The following POLR3B variants were observed in gnomAD, a reference collection of about 807,000 sequenced individuals.
The protein encoded by POLR3B is RNA polymerase III subunit B.
A neutral mutation model predicts 147.4 loss-of-function variants in POLR3B; 96 were observed. That is an observed-to-expected ratio of 0.65 (90% CI 0.55 to 0.77). The LOEUF (loss-of-function observed/expected upper bound fraction) is 0.77. Ranked by LOEUF, POLR3B falls within the 30% of genes least tolerant of loss-of-function variation. The probability of loss-of-function intolerance (pLI) is 0.00; values close to 1 mark genes in which losing one functional copy is unlikely to be tolerated. For missense variants in POLR3B, 1,036 were observed against 1,413.5 expected (o/e 0.73, Z 4.28); for synonymous variants, 461 against 485.9 (o/e 0.95, Z 0.67).
intron 16 of POLR3B, among the ~76,000 whole-genome samples, chr12:106,436,660 G>A (rs780018516): frequency 2.0e-5 from 3 of 152,082 alleles, no homozygotes; most frequent in Non-Finnish European, 2.9e-5. Flanking sequence ...ATGTGAAATC[G>A]GGAAGTTTTT....
rs1379154902 is a variant in POLR3B, at chr12:106,405,706, T to C, written c.847-151T>C. The C allele has an allele frequency of 4.1e-6, 3 of 737,724 alleles. No individual in the cohort carries two copies. The East Asian group carries it at 7.5e-5, about 18-fold the overall frequency. The allele number at this position is 737,724 out of a possible 1,614,324, so 45.7% of individuals were successfully genotyped here. ...TGCTATGCTTTTTGTCATTGATTTA[T>C]GATAAACGTTGATTTTCAACTAGAC... On this transcript the variant is annotated intron_variant, in intron 10 of 27. Transcript: ENST00000228347.
chr12:106,424,010 C>G (rs1486929303), intron 12 of POLR3B, among the ~76,000 whole-genome samples: 2 of 152,102 alleles, frequency 1.3e-5, no homozygotes, highest in African/African-American at 4.8e-5. Context: ...GCACCCGCCA[C>G]CATGCCTGGC....
chr12:106,426,834 C>T (rs2037443742), intron 12 of POLR3B, among the ~76,000 whole-genome samples: 2 of 75,866 alleles, frequency 2.6e-5, no homozygotes, highest in Admixed American at 1.7e-4. Flanking sequence ...AATTCTTCTC[C>T]ACCGTCCCCC....
At chr12:106,477,824 C>T (rs11113007) in intron 23 of POLR3B, among the ~76,000 whole-genome samples, 1 of 147,764 alleles carries the variant, frequency 6.8e-6, no homozygotes, top group Non-Finnish European at 1.5e-5. Context: ...CACCCGTCTT[C>T]TGCGTCGCTC....
intron 16 of POLR3B, among the ~76,000 whole-genome samples, chr12:106,435,736 T>C (rs1281343402): frequency 6.6e-6 from 1 of 152,164 alleles, no homozygotes; most frequent in African/African-American, 2.4e-5. Context: ...TAGGTGCTTA[T>C]TTATAACTTA....
intron 23 of POLR3B, among the ~76,000 whole-genome samples, chr12:106,488,965 A>G (rs922916524): frequency 1.3e-5 from 2 of 152,180 alleles, no homozygotes; most frequent in Non-Finnish European, 1.5e-5. Context: ...TTTTGCTGCC[A>G]TTCACAATGA....
At chr12:106,440,466 A>G (rs753951626) in intron 18 of POLR3B, among the ~76,000 whole-genome samples, 1 of 152,056 alleles carries the variant, frequency 6.6e-6, no homozygotes, top group Non-Finnish European at 1.5e-5. Context: ...TTCCTGCACA[A>G]TCTGCCCACT....
At chr12:106,393,804 A>ACACACACC (rs1207766499) in intron 10 of POLR3B, among the ~76,000 whole-genome samples, 1 of 133,916 alleles carries the variant, frequency 7.5e-6, no homozygotes, top group African/African-American at 2.8e-5. Flanking sequence ...ACACACACAC[A>ACACACACC]CCCCATAGTA....
intron 23 of POLR3B, among the ~76,000 whole-genome samples, chr12:106,464,195 C>G (rs1301787492): frequency 2.0e-5 from 3 of 152,206 alleles, no homozygotes; most frequent in Non-Finnish European, 4.4e-5. Flanking sequence ...GCAAGCCTCA[C>G]TCATTCCTTT....
intron 12 of POLR3B, among the ~76,000 whole-genome samples, chr12:106,425,559 T>C (rs964847064): frequency 5.9e-5 from 9 of 152,134 alleles, no homozygotes; most frequent in African/African-American, 1.7e-4. Flanking sequence ...TTGCTTCCTA[T>C]GCAAGAAAGC....
chr12:106,482,503 AAG>A (rs139120963), intron 23 of POLR3B, among the ~76,000 whole-genome samples: 4,661 of 152,164 alleles, frequency 0.031, 139 homozygotes, highest in African/African-American at 0.074. Flanking sequence ...GAGCAGGAGG[AAG>A]AGAGAGAAGG....
At chr12:106,429,146 T>C (rs999613824) in intron 13 of POLR3B, among the ~76,000 whole-genome samples, 1 of 152,192 alleles carries the variant, frequency 6.6e-6, no homozygotes, top group African/African-American at 2.4e-5. Context: ...GAGCAAATCT[T>C]ATTGTCTGCT....
At chr12:106,483,560 A>C (rs547864672) in intron 23 of POLR3B, among the ~76,000 whole-genome samples, 4 of 152,332 alleles carry the variant, frequency 2.6e-5, no homozygotes, top group East Asian at 3.9e-4. Context: ...ATAGATAGGA[A>C]TAGAATCTTA....
chr12:106,393,186 A>G, intron 10 of POLR3B, 33 bp downstream of exon 10: 1 of 1,613,326 alleles, frequency 6.2e-7, no homozygotes, highest in Non-Finnish European at 8.5e-7. Flanking sequence ...TTGCTATGAA[A>G]TGGAATTGGA....
intron 12 of POLR3B, among the ~76,000 whole-genome samples, chr12:106,416,375 A>G (rs968512683): frequency 4.6e-5 from 7 of 152,182 alleles, no homozygotes; most frequent in Non-Finnish European, 8.8e-5. Flanking sequence ...TCAGTTTAAG[A>G]ATGAACACAG....
intron 23 of POLR3B, among the ~76,000 whole-genome samples, chr12:106,465,145 G>A (rs1053224320): frequency 2.0e-5 from 3 of 152,076 alleles, no homozygotes; most frequent in African/African-American, 7.2e-5. Context: ...TTTTATCTTG[G>A]TCTTGACAGT....
At position 106,375,344 on chromosome 12, in the gene POLR3B, G is replaced by A. The variant is rs530748214; in HGVS notation, c.405-1015G>A. On this transcript the variant is annotated intron_variant, in intron 6 of 27. Coordinates refer to ENST00000228347, the MANE Select transcript of POLR3B (RefSeq NM_018082.6). ...CTTTTTATCTTGTGCAGATGTTACC[G>A]TGAGGATTTATGGCTTTCATATGTC... is the stretch of plus-strand genomic sequence containing the variant. Among the ~76,000 whole-genome samples, 8 of 152,234 alleles carry A rather than the reference G, an allele frequency of 5.3e-5. 1 individual carries two copies. In the South Asian group the frequency reaches 1.7e-3, roughly 32 times the overall value.
chr12:106,358,304 A>C (rs1358085240), intron 1 of POLR3B: 2 of 1,191,574 alleles, frequency 1.7e-6, no homozygotes, highest in Non-Finnish European at 2.1e-6. Flanking sequence ...ACACGGGGCC[A>C]GGGAGCTCAG....
intron 19 of POLR3B, among the ~76,000 whole-genome samples, chr12:106,451,975 T>C (rs2037803255): frequency 6.6e-6 from 1 of 152,150 alleles, no homozygotes; most frequent in African/African-American, 2.4e-5. Flanking sequence ...ATGCAACTTA[T>C]AGATATTCTC....
Sources: allele counts gnomAD v4.1 joint callset (sites outside exome capture counted in the v4.1 genomes callset), GRCh38; gene constraint gnomAD v4.1.1; transcripts MANE v1.5; gene names NCBI Gene and HGNC (gene_info 2026-07-23, HGNC 2026-07-21).